Variants in UXS1 observed in about 807,000 individuals in gnomAD.
The protein encoded by UXS1 is UDP-glucuronic acid decarboxylase 1.
In UXS1, 33 loss-of-function variants were observed where a neutral mutation model predicts 62.6. The observed-to-expected ratio is 0.53, with a 90% CI of 0.40 to 0.70. The LOEUF is 0.70. Among genes scored for constraint, UXS1 ranks in the 30% least tolerant of loss-of-function variants. UXS1 has a pLI of 0.00. For missense variants in UXS1, 434 were observed against 556.3 expected (o/e 0.78, Z 2.21); for synonymous variants, 213 against 206.8 (o/e 1.03, Z -0.26).
At chr2:106,172,233 G>A (rs1041962978) in intron 1 of UXS1, among the ~76,000 whole-genome samples, 5 of 152,198 alleles carry the variant, frequency 3.3e-5, no homozygotes, top group African/African-American at 1.2e-4. Flanking sequence ...GGGGGGCGGG[G>A]TGGATCCACC....
intron 1 of UXS1, among the ~76,000 whole-genome samples, chr2:106,179,807 G>A (rs1211956258): frequency 6.6e-6 from 1 of 152,166 alleles, no homozygotes; most frequent in Non-Finnish European, 1.5e-5. Flanking sequence ...AGATCTCTGT[G>A]TTGAAAGATT....
At chr2:106,145,138 G>A (rs993799619) in intron 6 of UXS1, 52 bp downstream of exon 6, 1 of 1,570,314 alleles carries the variant, frequency 6.4e-7, no homozygotes, top group Non-Finnish European at 8.7e-7. Context: ...CGCAGCTCTG[G>A]CAAGGCCACC....
chr2:106,158,013 AAAGT>A (rs1281533268), intron 5 of UXS1, 41 bp downstream of exon 5: 1 of 1,465,126 alleles, frequency 6.8e-7, no homozygotes. Flanking sequence ...ACGAAAAAAG[AAAGT>A]TTCTTAATAT....
chr2:106,161,460 T>C (rs1282842061), intron 4 of UXS1, among the ~76,000 whole-genome samples: 1 of 152,082 alleles, frequency 6.6e-6, no homozygotes, highest in African/African-American at 2.4e-5. Context: ...CATCCACTTA[T>C]TCAGGAACTT....
Position 106,104,596 on chromosome 2 carries a change from T to C in UXS1, c.923+198A>G, listed in dbSNP as rs2104852756. Among the ~76,000 whole-genome samples, 3 of 152,354 alleles carry C rather than the reference T, an allele frequency of 2.0e-5. No homozygotes were observed. In the South Asian group the frequency reaches 6.2e-4, roughly 32 times the overall value. On this transcript the variant is annotated intron_variant, in intron 11 of 14. Transcript: ENST00000283148. ...ATTAGCACATGAGTCACGATAGTCA[T>C]GGAGATGAATGCAAATTTTAACTTT...
intron 1 of UXS1, among the ~76,000 whole-genome samples, chr2:106,168,452 T>C (rs563577019): frequency 1.3e-5 from 2 of 152,216 alleles, no homozygotes; most frequent in East Asian, 1.9e-4. Context: ...GACCTCTCTA[T>C]AGAGTAGCCA....
intron 10 of UXS1, among the ~76,000 whole-genome samples, chr2:106,110,594 T>A (rs1361191770): frequency 6.6e-6 from 1 of 152,188 alleles, no homozygotes; most frequent in Non-Finnish European, 1.5e-5. Flanking sequence ...GAACCCCAAG[T>A]AGCAGCAAGA....
At chr2:106,188,240 CAGGGAGAAGGGGA>C (rs1684700682) in intron 1 of UXS1, among the ~76,000 whole-genome samples, 1 of 151,900 alleles carries the variant, frequency 6.6e-6, no homozygotes, top group Admixed American at 6.6e-5. Flanking sequence ...TCCACGTGGA[CAGGGAGAAGGGGA>C]AGGGAGAACA....
At chr2:106,120,700 G>A (rs971230774) in intron 9 of UXS1, among the ~76,000 whole-genome samples, 2 of 152,326 alleles carry the variant, frequency 1.3e-5, no homozygotes, top group East Asian at 1.9e-4. Flanking sequence ...AGCAGCAAGC[G>A]TGGTTCCCAC....
At chr2:106,145,771 G>A (rs560370191) in intron 5 of UXS1, among the ~76,000 whole-genome samples, 17 of 152,026 alleles carry the variant, frequency 1.1e-4, no homozygotes, top group African/African-American at 2.7e-4. Flanking sequence ...TAGAAAAAAC[G>A]ATTAGCAAAA....
intron 6 of UXS1, among the ~76,000 whole-genome samples, chr2:106,141,126 T>TA (rs1471542602): frequency 2.6e-5 from 4 of 152,178 alleles, no homozygotes; most frequent in African/African-American, 9.7e-5. Context: ...GACGACTTGC[T>TA]AACAAGTAAT....
At chr2:106,148,245 A>G (rs1323406436) in intron 5 of UXS1, among the ~76,000 whole-genome samples, 3 of 152,232 alleles carry the variant, frequency 2.0e-5, no homozygotes, top group African/African-American at 7.2e-5. Flanking sequence ...TTTTCCAGAA[A>G]AATAATTGAA....
At chr2:106,106,984 G>T (rs575117501) in intron 10 of UXS1, among the ~76,000 whole-genome samples, 25 of 152,248 alleles carry the variant, frequency 1.6e-4, no homozygotes, top group Middle Eastern at 3.4e-3. Flanking sequence ...ACTACCTGTA[G>T]ATTTTTTTTT....
intron 1 of UXS1, among the ~76,000 whole-genome samples, chr2:106,188,301 G>T (rs890371165): frequency 6.6e-6 from 1 of 152,174 alleles, no homozygotes; most frequent in Admixed American, 6.5e-5. Flanking sequence ...AAGAAGATAG[G>T]TGAATATGGG....
chr2:106,125,558 A>G (rs1679866939), intron 8 of UXS1, 62 bp downstream of exon 8: 13 of 1,459,214 alleles, frequency 8.9e-6, no homozygotes. Flanking sequence ...GACTCTTCTG[A>G]GACAGGATGA....
chr2:106,153,959 T>G (rs545139608), intron 5 of UXS1, among the ~76,000 whole-genome samples: 1 of 152,280 alleles, frequency 6.6e-6, no homozygotes, highest in South Asian at 2.1e-4. Flanking sequence ...ACAAAGGGAT[T>G]CAACAGTCAA....
intron 1 of UXS1, among the ~76,000 whole-genome samples, chr2:106,181,104 A>G (rs1033531434): frequency 7.9e-5 from 12 of 152,218 alleles, no homozygotes; most frequent in Non-Finnish European, 1.6e-4. Context: ...AATCCCTCCT[A>G]GTTCATGGGG....
intron 5 of UXS1, among the ~76,000 whole-genome samples, chr2:106,146,236 C>G (rs187834058): frequency 2.1e-3 from 324 of 152,348 alleles, no homozygotes; most frequent in Non-Finnish European, 3.9e-3. Flanking sequence ...CCATGCACAA[C>G]TCAATTCTCT....
At chr2:106,096,482 T>C (rs1370751963) in intron 14 of UXS1, among the ~76,000 whole-genome samples, 1 of 152,064 alleles carries the variant, frequency 6.6e-6, no homozygotes, top group East Asian at 1.9e-4. Flanking sequence ...CATGAGAGAT[T>C]TTACGAAAAC....
Sources: gnomAD v4.1 joint callset for allele counts (sites outside exome capture counted in the v4.1 genomes callset) on GRCh38, gnomAD v4.1.1 for gene constraint, MANE v1.5 for transcripts, NCBI Gene and HGNC (gene_info 2026-07-23, HGNC 2026-07-21) for gene names.